MCTP1: variants seen among roughly 807,000 people sequenced by gnomAD.
MCTP1 encodes multiple C2 and transmembrane domain-containing protein 1.
Under a neutral mutation model 120.6 loss-of-function variants are expected in MCTP1, and 69 were observed. The observed-to-expected ratio is 0.57, with a 90% CI of 0.47 to 0.70. The LOEUF (loss-of-function observed/expected upper bound fraction) is 0.70. MCTP1 is among the 30% of genes least tolerant of loss of function. The probability of loss-of-function intolerance (pLI) is 0.00; values close to 1 mark genes in which losing one functional copy is unlikely to be tolerated. For synonymous variants in MCTP1, 529 were observed against 493.1 expected, an observed-to-expected ratio of 1.07 and a Z score of -0.96; for missense variants, 1,203 against 1,248.8, an observed-to-expected ratio of 0.96 and a Z score of 0.55.
intron 17 of MCTP1, among the ~76,000 whole-genome samples, chr5:94,818,268 T>C (rs903049591): frequency 5.3e-5 from 8 of 152,290 alleles, no homozygotes; most frequent in East Asian, 3.9e-4. Flanking sequence ...CTTCCACAGA[T>C]ACACATACAA....
At chr5:95,281,572 T>C (rs569599641) in intron 1 of MCTP1, among the ~76,000 whole-genome samples, 9 of 152,344 alleles carry the variant, frequency 5.9e-5, no homozygotes, top group East Asian at 1.9e-4. Flanking sequence ...GTGTCTGGCA[T>C]TGGGCAAGTC....
chr5:94,711,952 G>A (rs996000114), intron 20 of MCTP1, among the ~76,000 whole-genome samples: 4 of 152,066 alleles, frequency 2.6e-5, no homozygotes, highest in Admixed American at 2.0e-4. Flanking sequence ...GAAACACTGT[G>A]TAGAGCCTCC....
intron 4 of MCTP1, among the ~76,000 whole-genome samples, chr5:94,942,065 G>A (rs1430131151): frequency 6.6e-6 from 1 of 152,188 alleles, no homozygotes; most frequent in East Asian, 1.9e-4. Context: ...AGGAAGGAAT[G>A]TCTCTTTTAT....
intron 5 of MCTP1, among the ~76,000 whole-genome samples, chr5:94,937,159 G>C (rs1481797195): frequency 3.9e-5 from 6 of 152,088 alleles, no homozygotes; most frequent in Admixed American, 2.6e-4. Context: ...AGCCACAAGA[G>C]AGTCAATAAC....
intron 1 of MCTP1, among the ~76,000 whole-genome samples, chr5:95,041,311 G>GAAAAAAAAAAAAAAAAAAAAAAAA (rs58379749): frequency 2.2e-5 from 2 of 89,814 alleles, no homozygotes; most frequent in East Asian, 3.0e-4. Context: ...CCCATGCTCT[G>GAAAAAAAAAAAAAAAAAAAAAAAA]AAAAAAAAAA....
At chr5:94,920,267 G>C (rs970587350) in intron 7 of MCTP1, among the ~76,000 whole-genome samples, 5 of 123,722 alleles carry the variant, frequency 4.0e-5, no homozygotes, top group Admixed American at 3.0e-4. Flanking sequence ...GCCTTACAGA[G>C]ACCTGTTTTT....
intron 12 of MCTP1, among the ~76,000 whole-genome samples, chr5:94,874,462 AAG>A (rs376054783): frequency 6.6e-5 from 10 of 152,282 alleles, no homozygotes; most frequent in Non-Finnish European, 1.2e-4. Context: ...TATATTAAAA[AAG>A]AGATTTAATA....
intron 1 of MCTP1, among the ~76,000 whole-genome samples, chr5:95,151,463 T>C (rs530894719): frequency 2.4e-4 from 37 of 152,210 alleles, no homozygotes; most frequent in Middle Eastern, 6.8e-3. Context: ...AGAAAATCCA[T>C]GTATAAGTGG....
chr5:95,067,246 T>A (rs955506210), intron 1 of MCTP1, among the ~76,000 whole-genome samples: 1 of 152,182 alleles, frequency 6.6e-6, no homozygotes, highest in African/African-American at 2.4e-5. Flanking sequence ...TTAACAATAA[T>A]GTATCATATA....
intron 19 of MCTP1, among the ~76,000 whole-genome samples, chr5:94,765,965 C>A (rs188319541): frequency 4.1e-4 from 63 of 152,210 alleles, no homozygotes; most frequent in Admixed American, 3.5e-3. Flanking sequence ...CTAGAAGAGG[C>A]CTGGTGCGGT....
chr5:95,107,036 G>A (rs1316281507), intron 1 of MCTP1, among the ~76,000 whole-genome samples: 2 of 152,122 alleles, frequency 1.3e-5, no homozygotes, highest in Non-Finnish European at 2.9e-5. Context: ...CTACTGTACT[G>A]AAAATAACAA....
chr5:95,100,113 G>A (rs1184327183), intron 1 of MCTP1, among the ~76,000 whole-genome samples: 1 of 140,060 alleles, frequency 7.1e-6, no homozygotes, highest in African/African-American at 2.7e-5. Context: ...TCACACTCTG[G>A]GGACTGTTGT....
At chr5:94,835,195 A>G (rs1238463242) in intron 17 of MCTP1, among the ~76,000 whole-genome samples, 1 of 152,272 alleles carries the variant, frequency 6.6e-6, no homozygotes, top group Admixed American at 6.5e-5. Context: ...TGGGGAAGGG[A>G]TTTTGAAAGG....
intron 17 of MCTP1, among the ~76,000 whole-genome samples, chr5:94,836,179 C>CAAAAAAAAAA (rs35396232): frequency 1.5e-5 from 1 of 65,962 alleles, no homozygotes; most frequent in African/African-American, 6.5e-5. Context: ...GACTCCGTCT[C>CAAAAAAAAAA]AAAAAAAAAA....
chr5:95,227,862 C>T (rs1415397516), intron 1 of MCTP1, among the ~76,000 whole-genome samples: 2 of 152,096 alleles, frequency 1.3e-5, no homozygotes, highest in African/African-American at 4.8e-5. Context: ...AAGTATGTCT[C>T]TGCCCTCTAA....
intron 19 of MCTP1, among the ~76,000 whole-genome samples, chr5:94,765,062 T>A (rs2086119715): frequency 6.6e-6 from 1 of 151,812 alleles, no homozygotes; most frequent in Admixed American, 6.6e-5. Context: ...CAGGCCCCAG[T>A]GAAATAAAAC....
In MCTP1 at chr5:94,870,634, C is replaced by T. The variant is rs1193273488; in HGVS notation, c.2242-143G>A. The T allele has an allele frequency of 6.3e-5, 44 of 693,830 alleles. No homozygotes were observed. The East Asian group carries it at 9.8e-4, about 15-fold the overall frequency. The allele number at this position is 693,830 out of a possible 1,614,324, so 43.0% of individuals were successfully genotyped here. ...TAAAATATAAATGTATACAGTTGCACATGCATGCGCTTCCCTTTCTTATGC... is the reference window on the plus strand; with the variant it reads ...TAAAATATAAATGTATACAGTTGCATATGCATGCGCTTCCCTTTCTTATGC... On this transcript the variant is annotated intron_variant, in intron 15 of 22. Coordinates refer to ENST00000515393, the MANE Select transcript of MCTP1 (RefSeq NM_024717.7).
intron 17 of MCTP1, chr5:94,826,187 T>C (rs1265861002): frequency 5.0e-6 from 2 of 397,986 alleles, no homozygotes; most frequent in Non-Finnish European, 9.7e-6. Context: ...CAAAGCATTA[T>C]CTGTCCAAGC....
chr5:94,900,074 C>T (rs1805108231), intron 10 of MCTP1, among the ~76,000 whole-genome samples: 1 of 152,198 alleles, frequency 6.6e-6, no homozygotes, highest in African/African-American at 2.4e-5. Flanking sequence ...CAGTACCCTC[C>T]ATGACTTACC....
Sources: allele counts gnomAD v4.1 joint callset (sites outside exome capture counted in the v4.1 genomes callset), GRCh38; gene constraint gnomAD v4.1.1; transcripts MANE v1.5; gene names NCBI Gene and HGNC (gene_info 2026-07-23, HGNC 2026-07-21).